DNM2: variants seen among roughly 807,000 people sequenced by gnomAD.
The protein encoded by DNM2 is dynamin-2.
A neutral mutation model predicts 99.0 loss-of-function variants in DNM2; 15 were observed. That is an observed-to-expected ratio of 0.15 (90% CI 0.10 to 0.23). DNM2 has a LOEUF of 0.23. Among genes scored for constraint, DNM2 ranks in the 10% least tolerant of loss-of-function variants. The pLI, the probability that DNM2 is intolerant of heterozygous loss-of-function variation, is 1.00. For synonymous variants in DNM2, 525 were observed against 481.2 expected (o/e 1.09, Z -1.19); for missense variants, 742 against 1,189.4 (o/e 0.62, Z 5.53).
intron 5 of DNM2, 50 bp from the exon 6 acceptor site, chr19:10,782,910 C>T: frequency 1.2e-6 from 2 of 1,613,214 alleles, no homozygotes; most frequent in Non-Finnish European, 8.5e-7. Flanking sequence ...CGTGCCAGGT[C>T]CACTTGGCTC....
chr19:10,805,592 C>T (rs1204400906), intron 12 of DNM2, among the ~76,000 whole-genome samples: 3 of 152,126 alleles, frequency 2.0e-5, no homozygotes, highest in East Asian at 1.9e-4. Context: ...GCTGTGATTG[C>T]GCCACTGCAC....
rs906211174 is a variant in DNM2, at chr19:10,718,308, C to T, written c.66C>T (p.Ser22=). ...LVNKLQDAFS[S]IGQSCHLDLP... is the part of the protein sequence containing the mutation. ...ACAAACTGCAGGACGCCTTCAGCTC[C>T]ATCGGCCAGAGCTGCCACCTGGACC... The change falls in exon 1 of 21, where the codon TCC becomes TCT. Residue 22 remains serine (S), a synonymous_variant. Transcript: ENST00000389253. The T allele has an allele frequency of 6.6e-7, 1 of 1,512,320 alleles. No homozygotes were observed. The allele number at this position is 1,512,320 out of a possible 1,614,324, so 93.7% of individuals were successfully genotyped here.
chr19:10,793,028 C>CCACCG (rs1339724864), intron 7 of DNM2, among the ~76,000 whole-genome samples: 1 of 152,194 alleles, frequency 6.6e-6, no homozygotes, highest in Non-Finnish European at 1.5e-5. Context: ...CAGGCATGAG[C>CCACCG]CACCGCACCC....
At chr19:10,806,019 T>G in intron 13 of DNM2, 52 bp downstream of exon 13, 1 of 1,611,836 alleles carries the variant, frequency 6.2e-7, no homozygotes, top group South Asian at 1.1e-5. Flanking sequence ...GGGAGGACGC[T>G]AAGTGACAGC....
chr19:10,762,220 TAG>T (rs2070656764), intron 2 of DNM2, among the ~76,000 whole-genome samples: 1 of 152,104 alleles, frequency 6.6e-6, no homozygotes, highest in Non-Finnish European at 1.5e-5. Flanking sequence ...GTGTTTTTAG[TAG>T]AGACAGAGCT....
Position 10,796,214 on chromosome 19 carries a change from G to T in DNM2, c.1196+775G>T, listed in dbSNP as rs2071927275. On this transcript the variant is annotated intron_variant, in intron 9 of 20. Transcript: ENST00000389253. The surrounding 1 kb of genome is among the most constrained non-coding windows in gnomAD (Gnocchi z 5.6). ...GTACCAGTAAGGTATTGCTCCCTCGGCAGGGTGACTCCTGACCTTGTGGAA... is the reference window on the plus strand; with the variant it reads ...GTACCAGTAAGGTATTGCTCCCTCGTCAGGGTGACTCCTGACCTTGTGGAA... 1.2e-6 allele frequency: 2 copies of T among 1,613,756 alleles called. No individual in the cohort carries two copies. Among genetic ancestry groups the T allele is most frequent in the Non-Finnish European group, 1.7e-6 (2 of 1,180,012 alleles).
At chr19:10,744,947 C>T (rs1308343984) in intron 1 of DNM2, among the ~76,000 whole-genome samples, 3 of 152,040 alleles carry the variant, frequency 2.0e-5, no homozygotes, top group Non-Finnish European at 1.5e-5. Context: ...GCTGCTGGGC[C>T]GGCCAGTTTC....
rs115385831 is a variant in DNM2 at position 10,803,716 on chromosome 19, A to G, written c.1493+1358A>G. The G allele has an allele frequency of 1.8e-3, 1,738 of 985,968 alleles. 22 individuals carry two copies. The African/African-American group carries it at 0.027, about 15-fold the overall frequency. The allele number at this position is 985,968 out of a possible 1,614,324, so 61.1% of individuals were successfully genotyped here. On this transcript the variant is annotated intron_variant, in intron 12 of 20. Transcript: ENST00000389253. ...CTTTGCCCTGGTGTGTGAACGGGGTACGCCCTGGCTGGGTGGCCCCAGCCC... is the reference window on the plus strand; with the variant it reads ...CTTTGCCCTGGTGTGTGAACGGGGTGCGCCCTGGCTGGGTGGCCCCAGCCC...
intron 2 of DNM2, among the ~76,000 whole-genome samples, chr19:10,769,066 C>T (rs111650672): frequency 1.2e-4 from 19 of 152,206 alleles, no homozygotes; most frequent in African/African-American, 2.4e-4. Flanking sequence ...GGAACGATGG[C>T]GCCCACTGCC....
intron 1 of DNM2, among the ~76,000 whole-genome samples, chr19:10,751,155 T>G (rs1458984674): frequency 6.6e-6 from 1 of 151,118 alleles, no homozygotes; most frequent in Non-Finnish European, 1.5e-5. Flanking sequence ...TGAATGGGGG[T>G]GAGAGAAGTC....
At chr19:10,786,735 C>G in intron 7 of DNM2, 29 bp downstream of exon 7, 2 of 1,613,564 alleles carry the variant, frequency 1.2e-6, no homozygotes, top group Non-Finnish European at 1.7e-6. Context: ...ACCACCACCA[C>G]CACCCTGGCC....
chr19:10,743,456 T>C lies in DNM2; in HGVS notation c.162-16282T>C, dbSNP rs149264274. On this transcript the variant is annotated intron_variant, in intron 1 of 20. Coordinates refer to ENST00000389253, the MANE Select transcript of DNM2 (RefSeq NM_001005361.3). ...TTGGGAGGCTGAGGCAGGCGGATCA[T>C]CTGAGGTCATGAGTTCGAGACCAGC... is the stretch of plus-strand genomic sequence containing the variant. 5.1e-3 allele frequency among the ~76,000 whole-genome samples: 760 copies of C among 148,622 alleles called. 2 individuals are homozygous for C. Among genetic ancestry groups the C allele is most frequent in the Middle Eastern group, 0.021 (6 of 284 alleles).
At chr19:10,731,554 A>G (rs1350833884) in intron 1 of DNM2, among the ~76,000 whole-genome samples, 1 of 151,992 alleles carries the variant, frequency 6.6e-6, no homozygotes, top group Non-Finnish European at 1.5e-5. Context: ...GGGTTTTGCC[A>G]TGTTGGCCAG....
chr19:10,778,748 G>C (rs912833326), intron 5 of DNM2, among the ~76,000 whole-genome samples: 14 of 151,720 alleles, frequency 9.2e-5, no homozygotes, highest in African/African-American at 3.4e-4. Context: ...CATCCCATTT[G>C]TTTTTTTCTA....
In DNM2 at chr19:10,795,322, G is replaced by T. The variant is rs751466971; in HGVS notation, c.1129-50G>T. On this transcript the variant is annotated intron_variant, in intron 8 of 20. Transcript: ENST00000389253. The surrounding 1 kb of genome is among the most constrained non-coding windows in gnomAD (Gnocchi z 4.2). Reference sequence around the variant, plus strand: ...CGTTCCCCAGATGCACGCCTGCCACGGGGGCGCCCCGGGTGCCTCCATGCA... The same window carrying T: ...CGTTCCCCAGATGCACGCCTGCCACTGGGGCGCCCCGGGTGCCTCCATGCA... The T allele has an allele frequency of 6.2e-7, 1 of 1,600,152 alleles. No homozygotes were observed. The highest frequency in any genetic ancestry group is 8.6e-7 in the Non-Finnish European group (1 of 1,167,752).
chr19:10,781,581 G>A (rs1452299216), intron 5 of DNM2: 3 of 152,156 alleles, frequency 2.0e-5, no homozygotes, highest in African/African-American at 7.2e-5. Context: ...AGGAGTTCGA[G>A]ACCAGCATGG....
In DNM2 at chr19:10,817,338, C is replaced by A. The variant is rs567590978; in HGVS notation, c.1672-2642C>A. ...TCGAATCTTCTATGCGAGGCTCTGC[C>A]ACAGTGGGAAACGGGGTGGTGGAAA... On this transcript the variant is annotated intron_variant, in intron 15 of 20. Transcript: ENST00000389253. The surrounding 1 kb of genome is among the most constrained non-coding windows in gnomAD (Gnocchi z 4.6). 5.3e-5 allele frequency: 24 copies of A among 454,814 alleles called. No individual in the cohort carries two copies. Among genetic ancestry groups the A allele is most frequent in the Non-Finnish European group, 9.0e-6 (2 of 222,052 alleles). 28.2% of individuals were successfully genotyped at this position (454,814 alleles called of 1,614,324 possible). A position where few individuals can be genotyped will look rare whatever the true frequency, so the allele number is the denominator to read the frequency against.
At position 10,818,492 on chromosome 19, in the gene DNM2, C is replaced by T. The variant is rs138049829; in HGVS notation, c.1672-1488C>T. 0.016 allele frequency among the ~76,000 whole-genome samples: 2,390 copies of T among 152,292 alleles called. 32 individuals carry two copies. The highest frequency in any genetic ancestry group is 0.019 in the South Asian group (94 of 4,830). On this transcript the variant is annotated intron_variant, in intron 15 of 20. Transcript: ENST00000389253. The surrounding 1 kb of genome is among the most constrained non-coding windows in gnomAD (Gnocchi z 4.3). ...GGGAAGTGGCTTGCCCGAGGGCACA[C>T]GGCCAGGAAAGGGCAGGGCTGGCAT... is the stretch of plus-strand genomic sequence containing the variant.
chr19:10,819,431 G>A (rs1314732895), intron 15 of DNM2, among the ~76,000 whole-genome samples: 2 of 152,140 alleles, frequency 1.3e-5, no homozygotes, highest in Non-Finnish European at 2.9e-5. Context: ...TCCTAGGCTC[G>A]TTTCAAAGAT....
Sources: gnomAD v4.1 joint callset for allele counts (sites outside exome capture counted in the v4.1 genomes callset) on GRCh38, gnomAD v4.1.1 for gene constraint, Gnocchi (gnomAD v3.1) non-coding constraint, MANE v1.5 for transcripts, NCBI Gene and HGNC (gene_info 2026-07-23, HGNC 2026-07-21) for gene names.